Variants in ZNF804A observed in about 807,000 individuals in gnomAD.
ZNF804A encodes zinc finger protein 804A.
In ZNF804A, 2 loss-of-function variants were observed where a neutral mutation model predicts 16.5. The ratio of observed to expected loss-of-function variants is 0.12; its 90% CI spans 0.05 to 0.38. The LOEUF (loss-of-function observed/expected upper bound fraction) is 0.38, where lower values mean the gene tolerates loss of function less well. ZNF804A is among the 10% of genes least tolerant of loss of function. The pLI, the probability that ZNF804A is intolerant of heterozygous loss-of-function variation, is 0.99. For synonymous variants in ZNF804A, 534 were observed against 489.6 expected, an observed-to-expected ratio of 1.09 and a Z score of -1.20; for missense variants, 1,473 against 1,390.7, an observed-to-expected ratio of 1.06 and a Z score of -0.94.
chr2:184,886,706 C>T (rs1574256942), intron 2 of ZNF804A, among the ~76,000 whole-genome samples: 2 of 152,386 alleles, frequency 1.3e-5, no homozygotes, highest in African/African-American at 2.4e-5. Context: ...CTTGCGCTTG[C>T]ACCCTCCAAA....
intron 1 of ZNF804A, among the ~76,000 whole-genome samples, chr2:184,730,581 C>G (rs1278131754): frequency 6.6e-6 from 1 of 152,128 alleles, no homozygotes; most frequent in Non-Finnish European, 1.5e-5. Context: ...TTACTGTTTC[C>G]CTAGTTTTGA....
intron 1 of ZNF804A, among the ~76,000 whole-genome samples, chr2:184,680,371 G>C (rs1378687428): frequency 6.6e-6 from 1 of 151,884 alleles, no homozygotes; most frequent in African/African-American, 2.4e-5. Flanking sequence ...GGTCTTGCCT[G>C]TGGAGAGGAA....
At chr2:184,829,390 A>G (rs970787377) in intron 1 of ZNF804A, among the ~76,000 whole-genome samples, 43 of 151,950 alleles carry the variant, frequency 2.8e-4, no homozygotes, top group Non-Finnish European at 8.8e-5. Context: ...AAAACTTTCT[A>G]CTGACCTGGC....
At chr2:184,728,776 T>C (rs79107382) in intron 1 of ZNF804A, among the ~76,000 whole-genome samples, 6,259 of 151,964 alleles carry the variant, frequency 0.041, 424 homozygotes, top group African/African-American at 0.14. Flanking sequence ...ATAATAACAG[T>C]GTGTTAGTCT....
intron 1 of ZNF804A, among the ~76,000 whole-genome samples, chr2:184,671,437 G>T (rs1037909388): frequency 6.6e-6 from 1 of 152,132 alleles, no homozygotes; most frequent in Non-Finnish European, 1.5e-5. Flanking sequence ...ACAAGAGACT[G>T]GGGAGTCCCT....
chr2:184,927,853 C>T (rs1196372521), intron 2 of ZNF804A, among the ~76,000 whole-genome samples: 1 of 152,140 alleles, frequency 6.6e-6, no homozygotes, highest in Non-Finnish European at 1.5e-5. Flanking sequence ...TACTGCCTGG[C>T]CTGGGGCTCA....
intron 2 of ZNF804A, among the ~76,000 whole-genome samples, chr2:184,900,305 C>T (rs552754345): frequency 6.6e-6 from 1 of 152,008 alleles, no homozygotes; most frequent in Non-Finnish European, 1.5e-5. Context: ...GTACAGTGCC[C>T]CCCTTGAGTG....
intron 1 of ZNF804A, among the ~76,000 whole-genome samples, chr2:184,837,878 G>GCTT (rs1326378349): frequency 3.3e-5 from 5 of 152,074 alleles, no homozygotes; most frequent in Non-Finnish European, 7.4e-5. Context: ...CTTCTCAGTG[G>GCTT]CTTTGGTCAT....
At chr2:184,669,139 T>C (rs2105711162) in intron 1 of ZNF804A, among the ~76,000 whole-genome samples, 1 of 152,158 alleles carries the variant, frequency 6.6e-6, no homozygotes, top group Middle Eastern at 3.4e-3. Flanking sequence ...ACAGAAAATA[T>C]ATATAATGCA....
At chr2:184,919,149 T>C (rs548696769) in intron 2 of ZNF804A, among the ~76,000 whole-genome samples, 1 of 152,292 alleles carries the variant, frequency 6.6e-6, no homozygotes, top group South Asian at 2.1e-4. Context: ...AATCCACAGA[T>C]GATAGTTTTG....
At chr2:184,869,883 A>G (rs1390570457) in intron 2 of ZNF804A, among the ~76,000 whole-genome samples, 2 of 152,070 alleles carry the variant, frequency 1.3e-5, no homozygotes, top group Admixed American at 1.3e-4. Flanking sequence ...TTCTCTTTGC[A>G]TAACTTTAAA....
intron 1 of ZNF804A, among the ~76,000 whole-genome samples, chr2:184,601,733 A>T (rs1045611893): frequency 6.6e-6 from 1 of 151,884 alleles, no homozygotes; most frequent in Non-Finnish European, 1.5e-5. Context: ...GGATTTTAAT[A>T]ATATCGCAAA....
chr2:184,731,251 CAAAAAAAAAAAAAAAA>C (rs563068533), intron 1 of ZNF804A, among the ~76,000 whole-genome samples: 834 of 45,406 alleles, frequency 0.018, 27 homozygotes, highest in African/African-American at 0.074. Context: ...GGCTCCGTCG[CAAAAAAAAAAAAAAAA>C]AAAAAAAAAA....
intron 1 of ZNF804A, among the ~76,000 whole-genome samples, chr2:184,739,234 G>A (rs1205099187): frequency 2.0e-5 from 3 of 152,064 alleles, no homozygotes; most frequent in African/African-American, 7.2e-5. Context: ...ATAAACTCAA[G>A]GAATAAAAAT....
At position 184,752,851 on chromosome 2, in the gene ZNF804A, G is replaced by A. The variant is rs115108310; in HGVS notation, c.112-113518G>A. ...AAAGTATACAAAGAAATGATCAACG[G>A]GCACATTAAAAGGTGCTCCACACTG... On this transcript the variant is annotated intron_variant, in intron 1 of 3. Coordinates refer to ENST00000302277, the MANE Select transcript of ZNF804A (RefSeq NM_194250.2). Among the ~76,000 whole-genome samples the A allele has an allele frequency of 6.6e-3, 1,000 of 151,160 alleles. 14 individuals carry two copies. Among genetic ancestry groups the A allele is most frequent in the African/African-American group, 0.023 (929 of 41,284 alleles).
chr2:184,900,666 C>T (rs901074735), intron 2 of ZNF804A, among the ~76,000 whole-genome samples: 2 of 152,030 alleles, frequency 1.3e-5, no homozygotes, highest in African/African-American at 4.8e-5. Context: ...CATGAAGAAT[C>T]TATATATAGG....
chr2:184,823,462 A>G (rs532865888), intron 1 of ZNF804A, among the ~76,000 whole-genome samples: 2 of 152,290 alleles, frequency 1.3e-5, no homozygotes, highest in East Asian at 1.9e-4. Context: ...ATCATTTGTT[A>G]CTGATAGTAG....
intron 1 of ZNF804A, among the ~76,000 whole-genome samples, chr2:184,835,859 G>T (rs1417037348): frequency 1.1e-4 from 16 of 152,062 alleles, no homozygotes; most frequent in Admixed American, 1.1e-3. Flanking sequence ...AAGCACTCAA[G>T]AAATTAAATT....
chr2:184,678,041 T>C (rs764864924), intron 1 of ZNF804A, among the ~76,000 whole-genome samples: 1 of 152,056 alleles, frequency 6.6e-6, no homozygotes, highest in Non-Finnish European at 1.5e-5. Flanking sequence ...ATTTATTTTT[T>C]AAAAGGTCAG....
Sources: allele counts gnomAD v4.1 joint callset (sites outside exome capture counted in the v4.1 genomes callset), GRCh38; gene constraint gnomAD v4.1.1; transcripts MANE v1.5; gene names NCBI Gene and HGNC (gene_info 2026-07-23, HGNC 2026-07-21).